PLEKHH1: variants seen among roughly 807,000 people sequenced by gnomAD.
PLEKHH1 encodes the protein pleckstrin homology, MyTH4 and FERM domain containing H1, also known as pleckstrin homology domain-containing family H member 1.
Under a neutral mutation model 160.0 loss-of-function variants are expected in PLEKHH1, and 104 were observed. That is an observed-to-expected ratio of 0.65 (90% CI 0.55 to 0.76). PLEKHH1 has a LOEUF of 0.76. Ranked by LOEUF, PLEKHH1 falls within the 30% of genes least tolerant of loss-of-function variation. PLEKHH1 has a pLI of 0.00. For synonymous variants in PLEKHH1, 619 were observed against 678.4 expected (o/e 0.91, Z 1.36); for missense variants, 1,427 against 1,724.1 (o/e 0.83, Z 3.05).
chr14:67,568,459 G>C (rs959144806), intron 7 of PLEKHH1, among the ~76,000 whole-genome samples: 8 of 152,070 alleles, frequency 5.3e-5, no homozygotes, highest in Non-Finnish European at 1.2e-4. Flanking sequence ...TGGTGGCGGT[G>C]GGGGAGTATT....
chr14:67,572,355 G>A, intron 11 of PLEKHH1, 78 bp downstream of exon 11: 1 of 1,334,738 alleles, frequency 7.5e-7, no homozygotes, highest in Non-Finnish European at 1.0e-6. Context: ...ACAAGACATA[G>A]GCAGTAGCTG....
chr14:67,588,131 T>C lies in PLEKHH1; in HGVS notation c.*896T>C, dbSNP rs1410838277. 6.6e-6 allele frequency: 1 copy of C among 152,650 alleles called. No individual in the cohort carries two copies. Among genetic ancestry groups the C allele is most frequent in the African/African-American group, 2.4e-5 (1 of 41,452 alleles). The allele number at this position is 152,650 out of a possible 1,614,324, so 9.5% of individuals were successfully genotyped here. A position where few individuals can be genotyped will look rare whatever the true frequency, so the allele number is the denominator to read the frequency against. ...TATACCTGCTAAGATTCAAGCTGTTTTCCTCACACTGGACTTTAGGCCAAA... is the reference window on the plus strand; with the variant it reads ...TATACCTGCTAAGATTCAAGCTGTTCTCCTCACACTGGACTTTAGGCCAAA... On this transcript the variant is annotated 3_prime_UTR_variant, in exon 29 of 29. Transcript: ENST00000329153.
chr14:67,557,524 C>G (rs934600071), intron 4 of PLEKHH1, 106 bp downstream of exon 4: 2 of 994,816 alleles, frequency 2.0e-6, no homozygotes, highest in Admixed American at 4.5e-5. Context: ...CTGGGGAACT[C>G]GCTCCCTCCT....
chr14:67,534,889 G>A (rs1278085754), intron 1 of PLEKHH1, among the ~76,000 whole-genome samples: 1 of 152,130 alleles, frequency 6.6e-6, no homozygotes, highest in Non-Finnish European at 1.5e-5. Context: ...ATACTCTGAT[G>A]TATATGAAAT....
rs148810857 is a variant in PLEKHH1 at position 67,568,377 on chromosome 14, C to A, written c.1264-761C>A. Among the ~76,000 whole-genome samples, 403 of 152,116 alleles carry A rather than the reference C, an allele frequency of 2.6e-3. 2 individuals are homozygous for A. Among genetic ancestry groups the A allele is most frequent in the Non-Finnish European group, 3.1e-3 (208 of 68,008 alleles). On this transcript the variant is annotated intron_variant, in intron 7 of 28. Transcript: ENST00000329153. Reference sequence around the variant, plus strand: ...ACCAAACATTGCATGTTCTCACTTACAAGTGGGAGCTGGACAATGAGAACA... The same window carrying A: ...ACCAAACATTGCATGTTCTCACTTAAAAGTGGGAGCTGGACAATGAGAACA...
In PLEKHH1 at chr14:67,584,046, C is replaced by T; in HGVS notation, c.3621C>T (p.Ser1207=). 6.2e-7 allele frequency: 1 copy of T among 1,613,738 alleles called. No individual in the cohort carries two copies. The highest frequency in any genetic ancestry group is 8.5e-7 in the Non-Finnish European group (1 of 1,179,650). Residue 1207 remains serine (S), a synonymous_variant, in exon 26 of 29, where the codon TCC becomes TCT. Transcript: ENST00000329153. ...TTKWATLQGC[S]PPECIRIYLT... ...AATGGGCAACATTGCAAGGATGCTC[C>T]CCTCCTGAGTGCATCCGCATCTACC...
chr14:67,587,471 A>C lies in PLEKHH1; in HGVS notation c.*236A>C. On this transcript the variant is annotated 3_prime_UTR_variant, in exon 29 of 29. Coordinates refer to ENST00000329153, the MANE Select transcript of PLEKHH1 (RefSeq NM_020715.3). ...AACCATTTATTCCTTTTTTCATAAG[A>C]ATAATGACTCCAGATGCTACCTGAT... is the stretch of plus-strand genomic sequence containing the variant. The C allele has an allele frequency of 1.8e-6, 1 of 556,780 alleles. No individual in the cohort carries two copies. The highest frequency in any genetic ancestry group is 2.0e-5 in the South Asian group (1 of 49,154). 34.5% of individuals were successfully genotyped at this position (556,780 alleles called of 1,614,324 possible). A position where few individuals can be genotyped will look rare whatever the true frequency, so the allele number is the denominator to read the frequency against.
intron 28 of PLEKHH1, 199 bp from the exon 29 acceptor site, chr14:67,586,875 C>T: frequency 6.6e-7 from 1 of 1,520,874 alleles, no homozygotes; most frequent in Non-Finnish European, 8.8e-7. Flanking sequence ...GAGAGGATCT[C>T]CAGACCAACA....
chr14:67,547,472 C>A (rs892559921), intron 2 of PLEKHH1, among the ~76,000 whole-genome samples: 3 of 152,168 alleles, frequency 2.0e-5, no homozygotes, highest in Non-Finnish European at 4.4e-5. Context: ...TAGGAGAGCT[C>A]CTGCTGGGGC....
chr14:67,537,382 A>AAT (rs1566718826), intron 1 of PLEKHH1, among the ~76,000 whole-genome samples: 2,830 of 93,372 alleles, frequency 0.03, 72 homozygotes, highest in East Asian at 0.041. Flanking sequence ...ATAATAATAA[A>AAT]AACTTAATCT....
In PLEKHH1 at chr14:67,582,258, T is replaced by G; in HGVS notation, c.3426+48T>G. 6.2e-7 allele frequency: 1 copy of G among 1,612,338 alleles called. No individual in the cohort carries two copies. Among genetic ancestry groups the G allele is most frequent in the Non-Finnish European group, 8.5e-7 (1 of 1,179,650 alleles). On this transcript the variant is annotated intron_variant, in intron 24 of 28. Transcript: ENST00000329153. This position sits in a 1 kb window ranked among gnomAD's most constrained non-coding sequence, Gnocchi z 5.0. The stretch of plus-strand genomic sequence containing the variant: ...GGAGGGTCGGGTTGCCAGCTTAGAA[T>G]GAATGCACCATGCAGCCTGAAACAC...
At chr14:67,538,250 T>C (rs2033820103) in intron 1 of PLEKHH1, among the ~76,000 whole-genome samples, 1 of 152,230 alleles carries the variant, frequency 6.6e-6, no homozygotes, top group Non-Finnish European at 1.5e-5. Context: ...TACTGAAGCA[T>C]CATCATGGGA....
At chr14:67,533,728 CT>C in intron 1 of PLEKHH1, 1 of 152,262 alleles carries the variant, frequency 6.6e-6, no homozygotes. Context: ...TGCTCGCTCC[CT>C]TTCACCCCTT....
At chr14:67,540,072 C>T (rs1174033588) in intron 1 of PLEKHH1, among the ~76,000 whole-genome samples, 2 of 152,064 alleles carry the variant, frequency 1.3e-5, no homozygotes, top group African/African-American at 2.4e-5. Context: ...GGCCATGTGG[C>T]TCCTGAGGAA....
In PLEKHH1 at chr14:67,587,962, G is replaced by A. The variant is rs1239452113; in HGVS notation, c.*727G>A. ...TCTCCTACACTCTGTCAGAAGCCTA[G>A]AACTCACTAAACTGGGCTGCCTTTC... On this transcript the variant is annotated 3_prime_UTR_variant, in exon 29 of 29. Coordinates refer to ENST00000329153, the MANE Select transcript of PLEKHH1 (RefSeq NM_020715.3). 6.6e-6 allele frequency: 1 copy of A among 152,582 alleles called. No individual in the cohort carries two copies. Among genetic ancestry groups the A allele is most frequent in the Non-Finnish European group, 1.5e-5 (1 of 68,044 alleles). 9.5% of individuals were successfully genotyped at this position (152,582 alleles called of 1,614,324 possible).
chr14:67,563,870 A>C (rs2140426564), intron 7 of PLEKHH1, among the ~76,000 whole-genome samples: 1 of 150,116 alleles, frequency 6.7e-6, no homozygotes, highest in East Asian at 2.0e-4. Flanking sequence ...AGTAGCTGGA[A>C]TTACAGGTGT....
chr14:67,554,603 G>A (rs1218918675), intron 2 of PLEKHH1, among the ~76,000 whole-genome samples: 3 of 152,192 alleles, frequency 2.0e-5, no homozygotes, highest in Admixed American at 6.5e-5. Context: ...CTGCTTCTGC[G>A]GGTCCTCCAT....
chr14:67,566,075 C>T (rs142802315), intron 7 of PLEKHH1, among the ~76,000 whole-genome samples: 1,681 of 152,280 alleles, frequency 0.011, 16 homozygotes, highest in Non-Finnish European at 0.016. Flanking sequence ...GCTGAGATTG[C>T]GCCACTGCAC....
At chr14:67,538,260 A>C (rs1297970307) in intron 1 of PLEKHH1, among the ~76,000 whole-genome samples, 1 of 152,174 alleles carries the variant, frequency 6.6e-6, no homozygotes, top group Non-Finnish European at 1.5e-5. Flanking sequence ...TCATCATGGG[A>C]AGAGGACAAT....
Sources: gnomAD v4.1 joint callset for allele counts (sites outside exome capture counted in the v4.1 genomes callset) on GRCh38, gnomAD v4.1.1 for gene constraint, Gnocchi (gnomAD v3.1) non-coding constraint, MANE v1.5 for transcripts, NCBI Gene and HGNC (gene_info 2026-07-23, HGNC 2026-07-21) for gene names.